DAAM1: variants seen among roughly 807,000 people sequenced by gnomAD.
DAAM1 encodes dishevelled associated activator of morphogenesis 1.
In DAAM1, 52 loss-of-function variants were observed where a neutral mutation model predicts 130.0. The observed-to-expected ratio is 0.40, with a 90% CI of 0.32 to 0.50. The LOEUF is 0.50. Ranked by LOEUF, DAAM1 falls within the 20% of genes least tolerant of loss-of-function variation. The probability of loss-of-function intolerance (pLI) is 0.61; values close to 1 mark genes in which losing one functional copy is unlikely to be tolerated. For synonymous variants in DAAM1, 452 were observed against 444.5 expected (o/e 1.02, Z -0.21); for missense variants, 1,134 against 1,303.8 (o/e 0.87, Z 2.01).
At chr14:59,326,474 T>G in intron 10 of DAAM1, 36 bp from the exon 11 acceptor site, 2 of 1,557,086 alleles carry the variant, frequency 1.3e-6, no homozygotes, top group African/African-American at 1.4e-5. Context: ...TAGAAACAAC[T>G]TGAAGATTTT....
chr14:59,315,652 T>C (rs934890048), intron 4 of DAAM1, among the ~76,000 whole-genome samples: 1 of 152,224 alleles, frequency 6.6e-6, no homozygotes, highest in African/African-American at 2.4e-5. Context: ...GCAATTGCTC[T>C]TACCAGTCAC....
At chr14:59,320,400 G>T in intron 4 of DAAM1, 90 bp from the exon 5 acceptor site, 1 of 971,168 alleles carries the variant, frequency 1.0e-6, no homozygotes, top group Non-Finnish European at 1.5e-6. Context: ...TATTTAAAGT[G>T]ATAGTGACAA....
At chr14:59,354,174 C>T (rs553302803) in intron 19 of DAAM1, among the ~76,000 whole-genome samples, 1 of 152,052 alleles carries the variant, frequency 6.6e-6, no homozygotes, top group Admixed American at 6.5e-5. Flanking sequence ...CATTCTCCTG[C>T]CTCAGCTTCC....
In DAAM1 at chr14:59,323,264, T is replaced by C. The variant is rs749616487; in HGVS notation, c.774+39T>C. The stretch of plus-strand genomic sequence containing the variant: ...CAGCCTTCTTCACTCACCCCTTCTT[T>C]AAAGTCTGCTCAAACACGTGCTTTT... On this transcript the variant is annotated intron_variant, in intron 6 of 24. Transcript: ENST00000360909. 16 of 1,523,238 alleles carry C rather than the reference T, an allele frequency of 1.1e-5. No individual in the cohort carries two copies. In the East Asian group the frequency reaches 3.8e-4, roughly 36 times the overall value. The allele number at this position is 1,523,238 out of a possible 1,614,324, so 94.4% of individuals were successfully genotyped here. A position where few individuals can be genotyped will look rare whatever the true frequency, so the allele number is the denominator to read the frequency against.
chr14:59,317,978 G>C (rs1884855826), intron 4 of DAAM1, among the ~76,000 whole-genome samples: 1 of 152,282 alleles, frequency 6.6e-6, no homozygotes, highest in South Asian at 2.1e-4. Flanking sequence ...AAACAGTCCA[G>C]GTGGAGAACT....
intron 1 of DAAM1, among the ~76,000 whole-genome samples, chr14:59,211,898 T>G (rs549788993): frequency 6.6e-6 from 1 of 152,360 alleles, no homozygotes; most frequent in East Asian, 1.9e-4. Flanking sequence ...ATTTTTCTCA[T>G]TAATGATGAG....
chr14:59,254,081 T>C (rs1455935060), intron 1 of DAAM1, among the ~76,000 whole-genome samples: 2 of 152,192 alleles, frequency 1.3e-5, no homozygotes, highest in Non-Finnish European at 2.9e-5. Context: ...TTTGGGAAGA[T>C]CTGAAGCCTT....
At chr14:59,261,889 T>C (rs1882172892) in intron 1 of DAAM1, among the ~76,000 whole-genome samples, 1 of 152,210 alleles carries the variant, frequency 6.6e-6, no homozygotes, top group African/African-American at 2.4e-5. Flanking sequence ...CCACATTTGT[T>C]AAATGTTGAC....
In DAAM1 at chr14:59,369,753, TAAAAAAAAAAAAA is replaced by T. The variant is rs72238797; in HGVS notation, c.*906_*918del. On this transcript the variant is annotated 3_prime_UTR_variant, in exon 25 of 25. Transcript: ENST00000360909. ...AATTCTCTGAAGGGATAAAGATTACTAAAAAAAAAAAAAAAAAAAAAAAATTAATGGGGTGCCT... is the reference window on the plus strand; with the variant it reads ...AATTCTCTGAAGGGATAAAGATTACTAAAAAAAAAAATTAATGGGGTGCCT... 3 of 95,656 alleles carry T rather than the reference TAAAAAAAAAAAAA, an allele frequency of 3.1e-5. No individual in the cohort carries two copies. Among genetic ancestry groups the T allele is most frequent in the Non-Finnish European group, 6.0e-5 (3 of 50,400 alleles). 5.9% of individuals were successfully genotyped at this position (95,656 alleles called of 1,614,324 possible). A position where few individuals can be genotyped will look rare whatever the true frequency, so the allele number is the denominator to read the frequency against.
chr14:59,326,374 A>G, intron 10 of DAAM1, 136 bp from the exon 11 acceptor site: 1 of 884,624 alleles, frequency 1.1e-6, no homozygotes, highest in African/African-American at 1.7e-5. Flanking sequence ...AAATTCCATA[A>G]CTTTGGGAAG....
intron 3 of DAAM1, among the ~76,000 whole-genome samples, chr14:59,292,118 C>T (rs4898983): frequency 5.7e-4 from 86 of 151,940 alleles, no homozygotes; most frequent in Admixed American, 1.6e-3. Flanking sequence ...TTGGGGACTC[C>T]TTCTGTTCAT....
At chr14:59,350,460 TAC>T (rs3047886) in intron 17 of DAAM1, among the ~76,000 whole-genome samples, 48,257 of 150,306 alleles carry the variant, frequency 0.32, 8,028 homozygotes, top group Middle Eastern at 0.48. Context: ...ACACGCCCCT[TAC>T]ACACACACAC....
intron 3 of DAAM1, among the ~76,000 whole-genome samples, chr14:59,305,370 T>G (rs780514218): frequency 5.4e-4 from 82 of 152,222 alleles, no homozygotes; most frequent in Non-Finnish European, 1.0e-3. Flanking sequence ...GCCATGAAAC[T>G]GAGGGGGAGT....
chr14:59,337,580 G>A (rs756956804), intron 15 of DAAM1, among the ~76,000 whole-genome samples: 7 of 152,176 alleles, frequency 4.6e-5, no homozygotes, highest in African/African-American at 9.7e-5. Context: ...AATATGCAAC[G>A]TATGCTGTAA....
At position 59,363,775 on chromosome 14, in the gene DAAM1, A is replaced by T. The variant is rs759983525; in HGVS notation, c.2819A>T (p.Lys940Ile). 2 of 1,613,814 alleles carry T rather than the reference A, an allele frequency of 1.2e-6. No homozygotes were observed. The highest frequency in any genetic ancestry group is 8.5e-7 in the Non-Finnish European group (1 of 1,179,930). The change falls in exon 23 of 25, where the codon AAA (lysine) becomes ATA (isoleucine). Residue 940 changes from lysine to isoleucine, a missense_variant. Physicochemically the swap from Lys to Ile is moderately radical, Grantham distance 102 (BLOSUM62 -3). Around this residue, in one of 3 missense-constraint regions of DAAM1, gnomAD observed 644 missense variants for 695.9 expected, o/e 0.93. Transcript: ENST00000360909. ...SDVEDLLAEA[K>I]DLFTKAVKHF... ...GTTGAAGACCTTCTAGCAGAAGCTA[A>T]AGACCTGGTAAGTTTCCCCCTTGTG...
chr14:59,198,642 G>A (rs1207946086), intron 1 of DAAM1, among the ~76,000 whole-genome samples: 1 of 152,196 alleles, frequency 6.6e-6, no homozygotes, highest in Non-Finnish European at 1.5e-5. Flanking sequence ...CAACAGTGAT[G>A]TGGGGCAAAC....
chr14:59,280,535 CTTT>C (rs35354608), intron 2 of DAAM1, among the ~76,000 whole-genome samples: 1 of 90,658 alleles, frequency 1.1e-5, no homozygotes, highest in African/African-American at 4.2e-5. Flanking sequence ...GCACACCTTC[CTTT>C]TTTTTTTTTT....
intron 22 of DAAM1, chr14:59,362,554 T>G (rs1199459955): frequency 6.6e-6 from 1 of 151,876 alleles, no homozygotes; most frequent in Non-Finnish European, 1.5e-5. Context: ...TTTCTTCCAA[T>G]CAGTGCCAGC....
At chr14:59,218,524 A>T (rs74059711) in intron 1 of DAAM1, among the ~76,000 whole-genome samples, 2,365 of 152,376 alleles carry the variant, frequency 0.016, 57 homozygotes, top group African/African-American at 0.054. Flanking sequence ...TCATATTCAA[A>T]TGCAAGTTAA....
Sources: gnomAD v4.1 joint callset for allele counts (sites outside exome capture counted in the v4.1 genomes callset) on GRCh38, gnomAD v4.1.1 for gene constraint, gnomAD v4.1.1 regional missense constraint, MANE v1.5 for transcripts, NCBI Gene and HGNC (gene_info 2026-07-23, HGNC 2026-07-21) for gene names.